XKR6: variants seen among roughly 807,000 people sequenced by gnomAD.
XKR6 encodes the protein XK related 6, also known as XK-related protein 6.
In XKR6, 22 loss-of-function variants were observed where a neutral mutation model predicts 56.7. The ratio of observed to expected loss-of-function variants is 0.39; its 90% CI spans 0.28 to 0.55. The LOEUF is 0.55. XKR6 is among the 20% of genes least tolerant of loss of function. The pLI is 0.66. For synonymous variants in XKR6, 524 were observed against 387.8 expected, an observed-to-expected ratio of 1.35 and a Z score of -4.13; for missense variants, 852 against 889.0, an observed-to-expected ratio of 0.96 and a Z score of 0.53.
intron 1 of XKR6, among the ~76,000 whole-genome samples, chr8:10,973,645 T>A (rs966195558): frequency 6.6e-6 from 1 of 152,134 alleles, no homozygotes; most frequent in Non-Finnish European, 1.5e-5. Flanking sequence ...AGTGGAACCG[T>A]CTCAGCTCAC....
intron 2 of XKR6, among the ~76,000 whole-genome samples, chr8:10,901,903 A>G (rs924917386): frequency 6.6e-6 from 1 of 152,180 alleles, no homozygotes; most frequent in Non-Finnish European, 1.5e-5. Context: ...CCCCGTTCAC[A>G]CCAATAATGA....
chr8:11,018,372 G>A (rs1462068145), intron 1 of XKR6, among the ~76,000 whole-genome samples: 1 of 152,206 alleles, frequency 6.6e-6, no homozygotes, highest in African/African-American at 2.4e-5. Flanking sequence ...ATATTTGACA[G>A]GCAGCATCCC....
chr8:11,045,521 T>C (rs1288839895), intron 1 of XKR6, among the ~76,000 whole-genome samples: 1 of 152,220 alleles, frequency 6.6e-6, no homozygotes, highest in East Asian at 1.9e-4. Flanking sequence ...TATAAAACTA[T>C]TTTCTCTTTT....
At chr8:11,137,719 G>C in intron 1 of XKR6, 1 of 456,202 alleles carries the variant, frequency 2.2e-6, no homozygotes, top group Non-Finnish European at 4.4e-6. Flanking sequence ...CCCTGAAATA[G>C]GAAAGAAGAA....
At chr8:11,094,542 G>C (rs116143846) in intron 1 of XKR6, among the ~76,000 whole-genome samples, 1,826 of 152,226 alleles carry the variant, frequency 0.012, 19 homozygotes, top group African/African-American at 0.032. Context: ...AAATGGATCA[G>C]AGGACCTCAG....
rs181857003 is a variant in XKR6, at chr8:11,140,850, A to T, written c.764+59726T>A. ...GAGGAAGAGCTTGTAGTGAGCCGAG[A>T]TCGCACTACTGGACTCCAGCCTGGG... is the stretch of plus-strand genomic sequence containing the variant. On this transcript the variant is annotated intron_variant, in intron 1 of 2. Transcript: ENST00000416569. Among the ~76,000 whole-genome samples, 643 of 147,136 alleles carry T rather than the reference A, an allele frequency of 4.4e-3. 5 individuals carry two copies. The highest frequency in any genetic ancestry group is 0.015 in the African/African-American group (569 of 38,920).
intron 1 of XKR6, among the ~76,000 whole-genome samples, chr8:11,052,965 G>C (rs552897530): frequency 6.6e-6 from 1 of 152,324 alleles, no homozygotes; most frequent in African/African-American, 2.4e-5. Flanking sequence ...TGGCATGTTT[G>C]GTCACAGTGC....
At position 11,200,508 on chromosome 8, in the gene XKR6, G is replaced by A; in HGVS notation, c.764+68C>T. The A allele has an allele frequency of 2.0e-5, 28 of 1,376,484 alleles. No homozygotes were observed. The highest frequency in any genetic ancestry group is 2.6e-5 in the Non-Finnish European group (28 of 1,072,902). 85.3% of individuals were successfully genotyped at this position (1,376,484 alleles called of 1,614,324 possible). On this transcript the variant is annotated intron_variant, in intron 1 of 2. Transcript: ENST00000416569. This position sits in a 1 kb window ranked among gnomAD's most constrained non-coding sequence, Gnocchi z 6.4. Reference sequence around the variant, plus strand: ...CTGGGCCCTTTCGAGGGGCCGCCCCGCGAAGCACCGGGAGGGCGGAGGGGG... The same window carrying A: ...CTGGGCCCTTTCGAGGGGCCGCCCCACGAAGCACCGGGAGGGCGGAGGGGG...
At chr8:10,940,036 C>T (rs903973734) in intron 1 of XKR6, among the ~76,000 whole-genome samples, 11 of 152,208 alleles carry the variant, frequency 7.2e-5, no homozygotes, top group Non-Finnish European at 1.3e-4. Flanking sequence ...CCTGCGTCGA[C>T]GTGTAATGCA....
chr8:11,180,236 G>C (rs1802895894), intron 1 of XKR6, among the ~76,000 whole-genome samples: 1 of 152,206 alleles, frequency 6.6e-6, no homozygotes, highest in Admixed American at 6.5e-5. Flanking sequence ...TGGATGGAAT[G>C]AACAGAACCA....
At chr8:11,002,999 T>G (rs1243677719) in intron 1 of XKR6, among the ~76,000 whole-genome samples, 1 of 150,512 alleles carries the variant, frequency 6.6e-6, no homozygotes, top group Non-Finnish European at 1.5e-5. Flanking sequence ...AGGGGACCAC[T>G]GAAAAAAAAA....
intron 1 of XKR6, among the ~76,000 whole-genome samples, chr8:10,957,817 G>GTTGGT (rs1352975687): frequency 6.6e-6 from 1 of 152,086 alleles, no homozygotes; most frequent in Non-Finnish European, 1.5e-5. Flanking sequence ...CACAGATCAT[G>GTTGGT]TTGGTTTGGG....
At chr8:11,127,578 C>T (rs1294235959) in intron 1 of XKR6, among the ~76,000 whole-genome samples, 3 of 152,154 alleles carry the variant, frequency 2.0e-5, no homozygotes, top group Non-Finnish European at 4.4e-5. Flanking sequence ...TGGCCCCTTC[C>T]TCTGCCTTCA....
Position 11,002,820 on chromosome 8 carries a change from C to A in XKR6, c.765-77990G>T, listed in dbSNP as rs116315943. Among the ~76,000 whole-genome samples, 310 of 152,332 alleles carry A rather than the reference C, an allele frequency of 2.0e-3. 2 individuals carry two copies. Among genetic ancestry groups the A allele is most frequent in the African/African-American group, 7.1e-3 (295 of 41,574 alleles). On this transcript the variant is annotated intron_variant, in intron 1 of 2. Coordinates refer to ENST00000416569, the MANE Select transcript of XKR6 (RefSeq NM_173683.4). ...GGGAAATAAACACAGTCTCCCTCCT[C>A]AGGTGCTGATGTTTATTCCAGATGG...
intron 1 of XKR6, among the ~76,000 whole-genome samples, chr8:11,091,738 G>T (rs966255164): frequency 1.3e-5 from 2 of 152,108 alleles, no homozygotes; most frequent in African/African-American, 4.8e-5. Context: ...CCGTGGGGCC[G>T]GGTGAGTTAC....
intron 1 of XKR6, among the ~76,000 whole-genome samples, chr8:11,126,533 C>T (rs1034714825): frequency 3.9e-5 from 6 of 151,916 alleles, no homozygotes; most frequent in African/African-American, 7.3e-5. Context: ...ACTTACAAAA[C>T]GCTCCTTCAT....
intron 1 of XKR6, among the ~76,000 whole-genome samples, chr8:10,932,058 G>C (rs1393061034): frequency 1.3e-5 from 2 of 152,038 alleles, no homozygotes; most frequent in Non-Finnish European, 2.9e-5. Flanking sequence ...TACCAAAGAG[G>C]ATACACAATA....
chr8:10,898,010 A>G lies in XKR6; in HGVS notation c.1868T>C (p.Ile623Thr). Reference protein sequence around the residue: ...LQYVTPTAVGIRYRDGPLLYE... With the variant: ...LQYVTPTAVGTRYRDGPLLYE... Reference sequence around the variant, plus strand: ...GAGGAGTGGTCCGTCTCGATATCGAATGCCTACTGCGGTGGGGGTGACATA... The same window carrying G: ...GAGGAGTGGTCCGTCTCGATATCGAGTGCCTACTGCGGTGGGGGTGACATA... Residue 623 changes from isoleucine to threonine, a missense_variant, in exon 3 of 3, where the codon ATT becomes ACT. Ile to Thr is a moderately conservative substitution (Grantham distance 89). Transcript: ENST00000416569. This position sits in a 1 kb window ranked among gnomAD's most constrained non-coding sequence, Gnocchi z 6.6. 6.2e-7 allele frequency: 1 copy of G among 1,612,272 alleles called. No individual in the cohort carries two copies.
At chr8:11,143,986 G>A (rs1387485040) in intron 1 of XKR6, among the ~76,000 whole-genome samples, 1 of 152,034 alleles carries the variant, frequency 6.6e-6, no homozygotes, top group Non-Finnish European at 1.5e-5. Flanking sequence ...CCTTTCCTCT[G>A]TGCATGTGTG....
Sources: gnomAD v4.1 joint callset for allele counts (sites outside exome capture counted in the v4.1 genomes callset) on GRCh38, gnomAD v4.1.1 for gene constraint, Gnocchi (gnomAD v3.1) non-coding constraint, MANE v1.5 for transcripts, NCBI Gene and HGNC (gene_info 2026-07-23, HGNC 2026-07-21) for gene names.